The following USP15 variants were observed in gnomAD, a reference collection of about 807,000 sequenced individuals.
USP15 encodes the protein ubiquitin carboxyl-terminal hydrolase 15.
USP15 carries 18 observed loss-of-function variants against 127.1 expected under a neutral mutation model. That is an observed-to-expected ratio of 0.14 (90% CI 0.10 to 0.21). USP15 has a LOEUF of 0.21. Among genes scored for constraint, USP15 ranks in the 10% least tolerant of loss-of-function variants. The probability of loss-of-function intolerance (pLI) is 1.00; values close to 1 mark genes in which losing one functional copy is unlikely to be tolerated. For synonymous variants in USP15, 364 were observed against 393.7 expected (o/e 0.92, Z 0.89); for missense variants, 805 against 1,159.9 (o/e 0.69, Z 4.44).
In USP15 at chr12:62,314,792, G is replaced by C. The variant is rs777074157; in HGVS notation, c.351G>C (p.Val117=). 4 of 1,559,912 alleles carry C rather than the reference G, an allele frequency of 2.6e-6. No individual in the cohort carries two copies. In the Admixed American group the frequency reaches 7.6e-5, roughly 30 times the overall value. The change falls in exon 4 of 22, where the codon GTG becomes GTC. Residue 117 remains valine (V), a splice_region_variant and synonymous_variant. Transcript: ENST00000280377. The part of the protein sequence containing the change: ...MEGQEPIARK[V]VEQGMFVKHC... Reference sequence around the variant, plus strand: ...TTTGTTTTGTTTCATTATTTTAGGTGGTTGAACAGGGTATGTTTGTAAAGC... The same window carrying C: ...TTTGTTTTGTTTCATTATTTTAGGTCGTTGAACAGGGTATGTTTGTAAAGC...
chr12:62,392,014 G>A, intron 17 of USP15, 128 bp downstream of exon 17: 1 of 993,510 alleles, frequency 1.0e-6, no homozygotes, highest in Non-Finnish European at 1.4e-6. Flanking sequence ...GTAAAAAATT[G>A]GTCATGAACT....
chr12:62,300,332 T>C (rs1174244100), intron 2 of USP15, among the ~76,000 whole-genome samples: 1 of 152,176 alleles, frequency 6.6e-6, no homozygotes, highest in Admixed American at 6.5e-5. Context: ...GTATATGGTG[T>C]GCAGTAGTGT....
intron 8 of USP15, among the ~76,000 whole-genome samples, chr12:62,367,083 G>A (rs2066501695): frequency 6.6e-6 from 1 of 152,142 alleles, no homozygotes; most frequent in Admixed American, 6.5e-5. Context: ...TTAGGGTGGA[G>A]TCCCTCTTTT....
intron 3 of USP15, chr12:62,313,875 G>A: frequency 5.5e-6 from 1 of 181,140 alleles, no homozygotes; most frequent in Non-Finnish European, 1.1e-5. Context: ...AGACAAGTTT[G>A]TAAAGTCCTC....
chr12:62,332,921 T>A (rs1036839982), intron 6 of USP15, among the ~76,000 whole-genome samples: 3 of 152,142 alleles, frequency 2.0e-5, no homozygotes, highest in Non-Finnish European at 4.4e-5. Context: ...AAGAACTTTA[T>A]AAATAAAACC....
intron 2 of USP15, among the ~76,000 whole-genome samples, chr12:62,296,141 A>G (rs1270509325): frequency 1.3e-5 from 2 of 152,228 alleles, no homozygotes. Flanking sequence ...ACAGCCAGCA[A>G]GGAAACGGGA....
chr12:62,332,590 G>A (rs1592606738), intron 6 of USP15, among the ~76,000 whole-genome samples: 1 of 152,144 alleles, frequency 6.6e-6, no homozygotes, highest in Non-Finnish European at 1.5e-5. Context: ...TAGTCAAAAA[G>A]TATTGTCAAA....
At chr12:62,381,704 G>T (rs1036948410) in intron 9 of USP15, 41 bp downstream of exon 9, 2 of 1,576,416 alleles carry the variant, frequency 1.3e-6, no homozygotes, top group Non-Finnish European at 1.7e-6. Flanking sequence ...TACCTGCAAG[G>T]GTACAAAAGT....
intron 8 of USP15, among the ~76,000 whole-genome samples, chr12:62,377,183 CCTT>C (rs1213383591): frequency 1.3e-5 from 2 of 152,110 alleles, no homozygotes; most frequent in East Asian, 3.8e-4. Flanking sequence ...ATTTATCCCT[CCTT>C]CATGTTTCAA....
At chr12:62,330,862 G>T (rs1463279427) in intron 6 of USP15, among the ~76,000 whole-genome samples, 1 of 150,602 alleles carries the variant, frequency 6.6e-6, no homozygotes, top group African/African-American at 2.4e-5. Context: ...GGAGTTCAAG[G>T]CTGCAAAGAG....
intron 3 of USP15, among the ~76,000 whole-genome samples, chr12:62,314,243 A>G (rs924683676): frequency 6.6e-6 from 1 of 151,898 alleles, no homozygotes; most frequent in African/African-American, 2.4e-5. Flanking sequence ...GGCAACAGTG[A>G]TTTGGAGTTA....
intron 8 of USP15, among the ~76,000 whole-genome samples, chr12:62,364,785 C>T (rs950602982): frequency 4.6e-5 from 7 of 151,882 alleles, no homozygotes; most frequent in Non-Finnish European, 8.8e-5. Context: ...TTTTTCAACT[C>T]CCACTTATGA....
chr12:62,409,737 T>C lies in USP15; in HGVS notation c.*5362T>C, dbSNP rs2137707991. 1 of 152,278 alleles carries C rather than the reference T, an allele frequency of 6.6e-6. No individual in the cohort carries two copies. Among genetic ancestry groups the C allele is most frequent in the Admixed American group, 6.5e-5 (1 of 15,288 alleles). The allele number at this position is 152,278 out of a possible 1,614,324, so 9.4% of individuals were successfully genotyped here. On this transcript the variant is annotated 3_prime_UTR_variant, in exon 22 of 22. Transcript: ENST00000280377. ...AACATCCCAACAGTCTTTCCCACAATGTGTATTATTACATTATTCTCAGTA... is the reference window on the plus strand; with the variant it reads ...AACATCCCAACAGTCTTTCCCACAACGTGTATTATTACATTATTCTCAGTA...
At chr12:62,369,160 C>T (rs1225565687) in intron 8 of USP15, among the ~76,000 whole-genome samples, 1 of 152,112 alleles carries the variant, frequency 6.6e-6, no homozygotes, top group Admixed American at 6.5e-5. Flanking sequence ...AGCAAAATGT[C>T]ATGGAAGCAA....
At chr12:62,341,850 A>T (rs546162196) in intron 6 of USP15, among the ~76,000 whole-genome samples, 1 of 152,134 alleles carries the variant, frequency 6.6e-6, no homozygotes, top group Admixed American at 6.5e-5. Context: ...TCTGACGATT[A>T]TGTGTCTTGG....
In USP15 at chr12:62,294,269, G is replaced by C; in HGVS notation, c.180G>C (p.Val60=). ...WDKYQMGDQN[V]YPGPIDNSGL... is the part of the protein sequence containing the mutation. Reference sequence around the variant, plus strand: ...AATACCAGATGGGAGATCAAAATGTGTATCCTGGACCCATTGATAACTCTG... The same window carrying C: ...AATACCAGATGGGAGATCAAAATGTCTATCCTGGACCCATTGATAACTCTG... The change falls in exon 2 of 22, where the codon GTG becomes GTC. Residue 60 remains valine (V), a synonymous_variant. Transcript: ENST00000280377. 6 of 1,613,562 alleles carry C rather than the reference G, an allele frequency of 3.7e-6. No individual in the cohort carries two copies. The highest frequency in any genetic ancestry group is 5.1e-6 in the Non-Finnish European group (6 of 1,179,746).
chr12:62,403,286 C>A (rs1390224847), intron 21 of USP15, among the ~76,000 whole-genome samples: 2 of 151,830 alleles, frequency 1.3e-5, no homozygotes, highest in Non-Finnish European at 2.9e-5. Flanking sequence ...GGGCTGAGGA[C>A]AGAACATAGT....
intron 3 of USP15, among the ~76,000 whole-genome samples, chr12:62,307,829 A>G (rs1030557231): frequency 3.9e-5 from 6 of 152,132 alleles, no homozygotes; most frequent in Non-Finnish European, 2.9e-5. Context: ...CAGCGTTACA[A>G]TGTACATCAT....
intron 8 of USP15, among the ~76,000 whole-genome samples, chr12:62,360,417 GATTTA>G (rs948013374): frequency 4.0e-5 from 6 of 151,876 alleles, no homozygotes; most frequent in African/African-American, 1.2e-4. Context: ...CTTTTTTAAA[GATTTA>G]ATTTAAGAGA....
Sources: allele counts gnomAD v4.1 joint callset (sites outside exome capture counted in the v4.1 genomes callset), GRCh38; gene constraint gnomAD v4.1.1; transcripts MANE v1.5; gene names NCBI Gene and HGNC (gene_info 2026-07-23, HGNC 2026-07-21).